TCF7L1: variants seen among roughly 807,000 people sequenced by gnomAD.
The protein encoded by TCF7L1 is transcription factor 7 like 1.
TCF7L1 carries 18 observed loss-of-function variants against 63.7 expected under a neutral mutation model. The observed-to-expected ratio is 0.28, with a 90% confidence interval of 0.20 to 0.42. TCF7L1 has a LOEUF of 0.42. Among genes scored for constraint, TCF7L1 ranks in the 10% least tolerant of loss-of-function variants. The pLI, the probability that TCF7L1 is intolerant of heterozygous loss-of-function variation, is 1.00. For synonymous variants in TCF7L1, 355 were observed against 340.9 expected (o/e 1.04, Z -0.46); for missense variants, 654 against 779.3 (o/e 0.84, Z 1.91).
In TCF7L1 at chr2:85,134,541, C is replaced by T. The variant is rs1677544290; in HGVS notation, c.441+91C>T. On this transcript the variant is annotated intron_variant, in intron 3 of 11. Transcript: ENST00000282111. The surrounding 1 kb of genome is among the most constrained non-coding windows in gnomAD (Gnocchi z 5.0). ...TTGGCCATGGAGTGGGGGATGGGGC[C>T]TTCTGCGCCGATCCCAAGCAGAACT... is the stretch of plus-strand genomic sequence containing the variant. 6.1e-6 allele frequency: 9 copies of T among 1,478,910 alleles called. No homozygotes were observed. The East Asian group carries it at 2.2e-4, about 37-fold the overall frequency. The allele number at this position is 1,478,910 out of a possible 1,614,324, so 91.6% of individuals were successfully genotyped here. A position where few individuals can be genotyped will look rare whatever the true frequency, so the allele number is the denominator to read the frequency against.
At chr2:85,290,354 A>C (rs1681678999) in intron 4 of TCF7L1, among the ~76,000 whole-genome samples, 1 of 151,826 alleles carries the variant, frequency 6.6e-6, no homozygotes, top group South Asian at 2.1e-4. Flanking sequence ...CATTTAAAAA[A>C]AATTAGAGTT....
intron 3 of TCF7L1, among the ~76,000 whole-genome samples, chr2:85,154,514 T>C (rs1294185328): frequency 7.9e-5 from 12 of 152,152 alleles, no homozygotes; most frequent in Admixed American, 7.9e-4. Context: ...AGGCTTTCCT[T>C]GTGTTTGGAA....
intron 5 of TCF7L1, among the ~76,000 whole-genome samples, chr2:85,303,055 C>T (rs1254687745): frequency 1.3e-5 from 2 of 152,152 alleles, no homozygotes; most frequent in African/African-American, 2.4e-5. Flanking sequence ...TTATTTAAGA[C>T]AGTCTTGCTG....
chr2:85,264,460 T>C (rs1558650441), intron 3 of TCF7L1, among the ~76,000 whole-genome samples: 2 of 152,142 alleles, frequency 1.3e-5, no homozygotes, highest in Non-Finnish European at 2.9e-5. Context: ...AGAGTCTGGA[T>C]AGGAACTGGG....
chr2:85,179,655 T>A (rs1020537704), intron 3 of TCF7L1, among the ~76,000 whole-genome samples: 1 of 152,136 alleles, frequency 6.6e-6, no homozygotes, highest in African/African-American at 2.4e-5. Context: ...CTTTCACCCC[T>A]CAGACTGAAA....
At chr2:85,190,709 T>A (rs570127028) in intron 3 of TCF7L1, among the ~76,000 whole-genome samples, 1 of 152,212 alleles carries the variant, frequency 6.6e-6, no homozygotes, top group Non-Finnish European at 1.5e-5. Context: ...GCCAAAGAGA[T>A]AGTAGAATCT....
At chr2:85,274,579 G>A (rs913042825) in intron 3 of TCF7L1, among the ~76,000 whole-genome samples, 16 of 152,140 alleles carry the variant, frequency 1.1e-4, no homozygotes, top group Non-Finnish European at 1.8e-4. Flanking sequence ...TCTTGCCCAC[G>A]GTCATTGGTG....
intron 3 of TCF7L1, among the ~76,000 whole-genome samples, chr2:85,187,642 G>C (rs1678955159): frequency 6.6e-6 from 1 of 152,202 alleles, no homozygotes; most frequent in African/African-American, 2.4e-5. Flanking sequence ...AAAAAAGCAA[G>C]TGGGCAATTT....
intron 3 of TCF7L1, among the ~76,000 whole-genome samples, chr2:85,216,047 G>C (rs72840156): frequency 0.07 from 10,642 of 152,128 alleles, 491 homozygotes; most frequent in African/African-American, 0.12. Context: ...TCCTCTTGTG[G>C]TGATGCTGGC....
intron 3 of TCF7L1, among the ~76,000 whole-genome samples, chr2:85,229,112 T>TCA (rs1369197454): frequency 1.3e-4 from 20 of 151,542 alleles, no homozygotes; most frequent in African/African-American, 4.8e-4. Context: ...TTTGGGAGGC[T>TCA]GAGGCGTGCG....
At chr2:85,217,155 A>G (rs1435987752) in intron 3 of TCF7L1, 1 of 152,244 alleles carries the variant, frequency 6.6e-6, no homozygotes, top group African/African-American at 2.4e-5. Context: ...GACAGCGTCA[A>G]CTTGAAACAA....
intron 3 of TCF7L1, among the ~76,000 whole-genome samples, chr2:85,228,343 A>G (rs1680002777): frequency 6.6e-6 from 1 of 152,004 alleles, no homozygotes; most frequent in Non-Finnish European, 1.5e-5. Context: ...ATCCCTTGAG[A>G]CTAGGAGGTC....
At chr2:85,144,949 G>A (rs752562486) in intron 3 of TCF7L1, among the ~76,000 whole-genome samples, 1 of 151,660 alleles carries the variant, frequency 6.6e-6, no homozygotes, top group Non-Finnish European at 1.5e-5. Context: ...GCTGGGTGTG[G>A]TAGCACACAC....
At chr2:85,211,190 G>A (rs990376824) in intron 3 of TCF7L1, among the ~76,000 whole-genome samples, 2 of 151,690 alleles carry the variant, frequency 1.3e-5, no homozygotes, top group Non-Finnish European at 2.9e-5. Flanking sequence ...GCATGTCTCT[G>A]GTGAGATCCT....
intron 3 of TCF7L1, among the ~76,000 whole-genome samples, chr2:85,266,072 G>A (rs188340386): frequency 1.3e-5 from 2 of 152,132 alleles, no homozygotes; most frequent in East Asian, 1.9e-4. Flanking sequence ...TACATGTTTC[G>A]TATCTTGCTT....
At chr2:85,197,712 GTTC>G (rs1292192054) in intron 3 of TCF7L1, among the ~76,000 whole-genome samples, 3 of 152,198 alleles carry the variant, frequency 2.0e-5, no homozygotes, top group East Asian at 3.8e-4. Context: ...AAACACCTTT[GTTC>G]TTCTTACAGA....
intron 3 of TCF7L1, among the ~76,000 whole-genome samples, chr2:85,149,705 A>G (rs1395443576): frequency 6.6e-6 from 1 of 152,100 alleles, no homozygotes; most frequent in Non-Finnish European, 1.5e-5. Context: ...TTGTGTTTTT[A>G]GTAGAGACAG....
Position 85,195,022 on chromosome 2 carries a change from G to A in TCF7L1, c.441+60572G>A, listed in dbSNP as rs956860111. ...CCGAGGTAACAGGTGTGGACAGTTCGTCTCCCTACAGTCCTTTTTCGCAGC... is the reference window on the plus strand; with the variant it reads ...CCGAGGTAACAGGTGTGGACAGTTCATCTCCCTACAGTCCTTTTTCGCAGC... On this transcript the variant is annotated intron_variant, in intron 3 of 11. Transcript: ENST00000282111. 3.3e-5 allele frequency among the ~76,000 whole-genome samples: 5 copies of A among 152,350 alleles called. No homozygotes were observed. The East Asian group carries it at 5.8e-4, about 18-fold the overall frequency.
At chr2:85,192,243 T>G (rs1389102701) in intron 3 of TCF7L1, among the ~76,000 whole-genome samples, 1 of 152,184 alleles carries the variant, frequency 6.6e-6, no homozygotes, top group Non-Finnish European at 1.5e-5. Flanking sequence ...AATCCTGAAT[T>G]TAAGCATTGG....
Sources: gnomAD v4.1 joint callset for allele counts (sites outside exome capture counted in the v4.1 genomes callset) on GRCh38, gnomAD v4.1.1 for gene constraint, Gnocchi (gnomAD v3.1) non-coding constraint, MANE v1.5 for transcripts, NCBI Gene and HGNC (gene_info 2026-07-23, HGNC 2026-07-21) for gene names.